The following FKTN variants were observed in gnomAD, a reference collection of about 807,000 sequenced individuals.
FKTN encodes the protein ribitol-5-phosphate transferase FKTN.
In FKTN, 47 loss-of-function variants were observed where a neutral mutation model predicts 58.6. The ratio of observed to expected loss-of-function variants is 0.80; its 90% CI spans 0.63 to 1.02. The LOEUF (loss-of-function observed/expected upper bound fraction) is 1.02. FKTN is among the 50% of genes least tolerant of loss of function. FKTN has a pLI of 0.00. For synonymous variants in FKTN, 178 were observed against 191.9 expected (o/e 0.93, Z 0.60); for missense variants, 516 against 537.3 (o/e 0.96, Z 0.39).
intron 1 of FKTN, among the ~76,000 whole-genome samples, chr9:105,563,691 A>G (rs902502626): frequency 3.7e-4 from 56 of 152,260 alleles, no homozygotes; most frequent in African/African-American, 1.3e-3. Context: ...CAGCTCAAGG[A>G]GGCCTGCCTG....
chr9:105,599,311 C>T (rs1257697486), intron 4 of FKTN, among the ~76,000 whole-genome samples: 1 of 152,186 alleles, frequency 6.6e-6, no homozygotes, highest in Admixed American at 6.5e-5. Context: ...AGTAAGCTTT[C>T]ATTCCTAGGA....
chr9:105,581,454 G>T (rs905287046), intron 3 of FKTN, among the ~76,000 whole-genome samples: 1 of 150,242 alleles, frequency 6.7e-6, no homozygotes, highest in Non-Finnish European at 1.5e-5. Flanking sequence ...CCCCTGCTGC[G>T]GGGTGCCTCC....
chr9:105,578,723 T>C (rs1842263518), intron 3 of FKTN, among the ~76,000 whole-genome samples: 1 of 151,814 alleles, frequency 6.6e-6, no homozygotes, highest in African/African-American at 2.4e-5. Flanking sequence ...TTCTATTGAT[T>C]GGAATAGTTT....
intron 1 of FKTN, among the ~76,000 whole-genome samples, chr9:105,564,799 G>C (rs537171922): frequency 1.8e-4 from 28 of 152,132 alleles, no homozygotes; most frequent in Non-Finnish European, 2.6e-4. Context: ...TACAGAGAAT[G>C]CCACAAAGAT....
intron 3 of FKTN, among the ~76,000 whole-genome samples, chr9:105,580,310 G>T (rs901499623): frequency 6.6e-6 from 1 of 152,084 alleles, no homozygotes; most frequent in Admixed American, 6.5e-5. Context: ...GGTACCGGTT[G>T]TTCCTTTCCA....
rs1454201300 is a variant in FKTN, at chr9:105,575,106, T to A, written c.74T>A (p.Leu25Ter). Residue 25 changes from leucine to a stop codon, truncating the protein, a stop_gained, in exon 3 of 11, where the codon TTG becomes TAG. Transcript: ENST00000357998. LOFTEE classifies it high-confidence loss of function. ...AGTTCTGCATTTCTGCTGTTTCAGT[T>A]GTACTACTACAAGCACTATTTATCA... ...LTSSAFLLFQ[L>*]YYYKHYLSTK... 2 of 1,607,076 alleles carry A rather than the reference T, an allele frequency of 1.2e-6. No homozygotes were observed. The highest frequency in any genetic ancestry group is 1.7e-6 in the Non-Finnish European group (2 of 1,173,682).
chr9:105,569,730 C>T (rs1355355644), intron 1 of FKTN, among the ~76,000 whole-genome samples: 4 of 152,178 alleles, frequency 2.6e-5, no homozygotes, highest in Admixed American at 2.6e-4. Context: ...TTAATCTTCT[C>T]ATATTTGCAT....
rs1429464723 is a variant in FKTN at position 105,635,203 on chromosome 9, A to T, written c.1325A>T (p.Asn442Ile). ...TGGGACTGGAAGCGCTCTCCTCCCA[A>T]TGTGCAACCCAATGGAATCTGGCCT... is the stretch of plus-strand genomic sequence containing the variant. ...KTWDWKRSPP[N>I]VQPNGIWPIS... The change falls in exon 11 of 11, where the codon AAT (asparagine) becomes ATT (isoleucine). Residue 442 changes from asparagine (N) to isoleucine (I), a missense_variant. Coordinates refer to ENST00000357998, the MANE Select transcript of FKTN (RefSeq NM_001079802.2). 2 of 1,614,210 alleles carry T rather than the reference A, an allele frequency of 1.2e-6. No homozygotes were observed. The highest frequency in any genetic ancestry group is 1.3e-5 in the African/African-American group (1 of 75,070).
intron 3 of FKTN, 110 bp from the exon 4 acceptor site, chr9:105,596,488 C>A (rs573975202): frequency 2.3e-5 from 17 of 733,026 alleles, no homozygotes; most frequent in Admixed American, 4.0e-5. Flanking sequence ...TTTGATAATG[C>A]TTTTTAATGA....
At chr9:105,588,302 A>G (rs1436597214) in intron 3 of FKTN, among the ~76,000 whole-genome samples, 8 of 152,096 alleles carry the variant, frequency 5.3e-5, no homozygotes, top group Non-Finnish European at 1.5e-5. Flanking sequence ...CTGTTTACTC[A>G]TTTATTCATT....
chr9:105,607,908 G>C lies in FKTN; in HGVS notation c.737G>C (p.Arg246Thr). 6.2e-7 allele frequency: 1 copy of C among 1,607,812 alleles called. No individual in the cohort carries two copies. Among genetic ancestry groups the C allele is most frequent in the African/African-American group, 1.3e-5 (1 of 74,880 alleles). Residue 246 changes from arginine to threonine, a missense_variant, in exon 7 of 11, where the codon AGG becomes ACG. Arg to Thr is a moderately conservative substitution (Grantham distance 71). Coordinates refer to ENST00000357998, the MANE Select transcript of FKTN (RefSeq NM_001079802.2). Reference sequence around the variant, plus strand: ...TTTGTAGAAGAAGTACCACACTCTAGGTTTATTGAGTGTAGGTATAAAGAA... The same window carrying C: ...TTTGTAGAAGAAGTACCACACTCTACGTTTATTGAGTGTAGGTATAAAGAA... ...MHFVEEVPHS[R>T]FIECRYKEAR...
At chr9:105,566,355 T>C (rs372456983) in intron 1 of FKTN, among the ~76,000 whole-genome samples, 3,928 of 150,166 alleles carry the variant, frequency 0.026, 172 homozygotes, top group African/African-American at 0.086. Flanking sequence ...ATCAATGAAT[T>C]CAGGAGCTGG....
At chr9:105,569,694 G>C (rs572939539) in intron 1 of FKTN, among the ~76,000 whole-genome samples, 1 of 152,058 alleles carries the variant, frequency 6.6e-6, no homozygotes. Flanking sequence ...GAATAATTCT[G>C]TGTCGCAATA....
chr9:105,639,343 T>C lies in FKTN; in HGVS notation c.*4079T>C. 1.1e-6 allele frequency: 1 copy of C among 946,660 alleles called. No individual in the cohort carries two copies. The highest frequency in any genetic ancestry group is 1.3e-6 in the Non-Finnish European group (1 of 794,650). 58.6% of individuals were successfully genotyped at this position (946,660 alleles called of 1,614,324 possible). On this transcript the variant is annotated 3_prime_UTR_variant, in exon 11 of 11. Coordinates refer to ENST00000357998, the MANE Select transcript of FKTN (RefSeq NM_001079802.2). ...GTGTTGCCATAAAAAGACCACAAGC[T>C]TTTGAGTTAGGCCTGAATTTGAATT...
Position 105,636,178 on chromosome 9 carries a change from C to T in FKTN, c.*914C>T. On this transcript the variant is annotated 3_prime_UTR_variant, in exon 11 of 11. Coordinates refer to ENST00000357998, the MANE Select transcript of FKTN (RefSeq NM_001079802.2). Reference sequence around the variant, plus strand: ...ATTTTCTGAATTTATAATCTGTGCACTCCCAATTTTAATGACACTAAAATA... The same window carrying T: ...ATTTTCTGAATTTATAATCTGTGCATTCCCAATTTTAATGACACTAAAATA... The T allele has an allele frequency of 5.5e-6, 5 of 901,796 alleles. No homozygotes were observed. The highest frequency in any genetic ancestry group is 6.6e-6 in the Non-Finnish European group (5 of 753,972). 55.9% of individuals were successfully genotyped at this position (901,796 alleles called of 1,614,324 possible). A position where few individuals can be genotyped will look rare whatever the true frequency, so the allele number is the denominator to read the frequency against.
intron 4 of FKTN, chr9:105,598,167 G>A (rs2132632028): frequency 2.1e-6 from 1 of 467,630 alleles, no homozygotes. Context: ...AAGTTGAAGA[G>A]CAGCTTACCA....
intron 7 of FKTN, among the ~76,000 whole-genome samples, chr9:105,612,395 A>T (rs2133034492): frequency 6.6e-6 from 1 of 152,198 alleles, no homozygotes. Flanking sequence ...TATTTTAATT[A>T]GATCCTATTT....
At chr9:105,562,974 C>A (rs1186374570) in intron 1 of FKTN, among the ~76,000 whole-genome samples, 2 of 152,164 alleles carry the variant, frequency 1.3e-5, no homozygotes, top group Non-Finnish European at 2.9e-5. Context: ...CCCACTCCTG[C>A]CTTCTGGATC....
chr9:105,581,402 G>T (rs564734011), intron 3 of FKTN, among the ~76,000 whole-genome samples: 28 of 148,778 alleles, frequency 1.9e-4, no homozygotes, highest in African/African-American at 7.1e-4. Flanking sequence ...ACCCTCAGCT[G>T]CAGGTCTGTT....
Sources: allele counts gnomAD v4.1 joint callset (sites outside exome capture counted in the v4.1 genomes callset), GRCh38; gene constraint gnomAD v4.1.1; transcripts MANE v1.5; gene names NCBI Gene and HGNC (gene_info 2026-07-23, HGNC 2026-07-21).